GLRA1: variants seen among roughly 807,000 people sequenced by gnomAD.
GLRA1 encodes the protein glycine receptor subunit alpha-1.
A neutral mutation model predicts 48.3 loss-of-function variants in GLRA1; 37 were observed. The ratio of observed to expected loss-of-function variants is 0.77; its 90% CI spans 0.59 to 1.01. The LOEUF (loss-of-function observed/expected upper bound fraction) is 1.01. Among genes scored for constraint, GLRA1 ranks in the 50% least tolerant of loss-of-function variants. GLRA1 has a pLI of 0.00. For missense variants in GLRA1, 427 were observed against 571.0 expected (o/e 0.75, Z 2.57); for synonymous variants, 196 against 210.7 (o/e 0.93, Z 0.60).
chr5:151,900,238 C>G (rs1177411945), intron 1 of GLRA1, among the ~76,000 whole-genome samples: 1 of 152,122 alleles, frequency 6.6e-6, no homozygotes, highest in African/African-American at 2.4e-5. Context: ...CTTGCAGGGA[C>G]CAGAGAGTGA....
chr5:151,873,311 T>C (rs1371424850), intron 3 of GLRA1, among the ~76,000 whole-genome samples: 2 of 149,316 alleles, frequency 1.3e-5, no homozygotes, highest in Non-Finnish European at 2.9e-5. Context: ...TGGTTCCCTC[T>C]CCAGTTCAAC....
intron 8 of GLRA1, 46 bp downstream of exon 8, chr5:151,828,875 G>C: frequency 6.3e-7 from 1 of 1,579,996 alleles, no homozygotes; most frequent in Non-Finnish European, 8.7e-7. Flanking sequence ...GAACTCTTTT[G>C]TTTACTAACA....
chr5:151,857,998 G>A (rs900347421), intron 4 of GLRA1, among the ~76,000 whole-genome samples: 2 of 152,202 alleles, frequency 1.3e-5, no homozygotes, highest in Admixed American at 6.5e-5. Context: ...CTGGCCTTTG[G>A]ATTCTGAGTC....
At chr5:151,903,540 C>A (rs573887364) in intron 1 of GLRA1, among the ~76,000 whole-genome samples, 2 of 152,228 alleles carry the variant, frequency 1.3e-5, no homozygotes, top group African/African-American at 2.4e-5. Flanking sequence ...TCAGCAGGTT[C>A]CAAAGTCTTG....
intron 1 of GLRA1, among the ~76,000 whole-genome samples, chr5:151,908,036 A>T (rs1478755391): frequency 6.6e-6 from 1 of 152,154 alleles, no homozygotes; most frequent in Non-Finnish European, 1.5e-5. Flanking sequence ...GAAAAGGAGG[A>T]AGAGGTGAGG....
At chr5:151,860,981 G>GA (rs1753188500) in intron 3 of GLRA1, among the ~76,000 whole-genome samples, 1 of 152,102 alleles carries the variant, frequency 6.6e-6, no homozygotes, top group African/African-American at 2.4e-5. Flanking sequence ...GCGGTGTTTG[G>GA]TTTTTTGTCC....
At position 151,878,329 on chromosome 5, in the gene GLRA1, T is replaced by A. The variant is rs528453376; in HGVS notation, c.252+8392A>T. On this transcript the variant is annotated intron_variant, in intron 3 of 8. Coordinates refer to ENST00000274576, the MANE Select transcript of GLRA1 (RefSeq NM_000171.4). ...GCAGCAAAGCATTCAAGAAGTTATG[T>A]GGTTGCTGTTAAAGGCACTCGGTTT... Among the ~76,000 whole-genome samples the A allele has an allele frequency of 5.9e-5, 9 of 152,320 alleles. No individual in the cohort carries two copies. The South Asian group carries it at 1.4e-3, about 25-fold the overall frequency.
chr5:151,838,949 T>A (rs1172268349), intron 7 of GLRA1, among the ~76,000 whole-genome samples: 2 of 152,204 alleles, frequency 1.3e-5, no homozygotes, highest in South Asian at 4.1e-4. Context: ...TCTCTGCTAC[T>A]GCAACCTCCA....
chr5:151,913,004 G>A lies in GLRA1; in HGVS notation c.56+11490C>T, dbSNP rs138411874. ...CAAGAGGATTTAGGAAGAAGAGTCC[G>A]TGCCCAGCTGGGGCTAGGTATAGAG... is the stretch of plus-strand genomic sequence containing the variant. On this transcript the variant is annotated intron_variant, in intron 1 of 8. Transcript: ENST00000274576. Among the ~76,000 whole-genome samples the A allele has an allele frequency of 8.1e-3, 1,228 of 152,286 alleles. 19 individuals are homozygous for A. Among genetic ancestry groups the A allele is most frequent in the African/African-American group, 0.028 (1,151 of 41,558 alleles).
chr5:151,865,179 C>G (rs1005250781), intron 3 of GLRA1, among the ~76,000 whole-genome samples: 7 of 152,106 alleles, frequency 4.6e-5, no homozygotes, highest in Non-Finnish European at 7.3e-5. Context: ...CCACTGAGAA[C>G]AAGAAAGATA....
At chr5:151,850,339 G>T in intron 7 of GLRA1, 2 of 1,494,794 alleles carry the variant, frequency 1.3e-6, no homozygotes, top group Non-Finnish European at 9.3e-7. Flanking sequence ...TGGGTGGGCT[G>T]TTTCATTTTG....
chr5:151,833,546 C>A (rs545302767), intron 7 of GLRA1, among the ~76,000 whole-genome samples: 2 of 152,130 alleles, frequency 1.3e-5, no homozygotes, highest in African/African-American at 4.8e-5. Flanking sequence ...TCGCCAAATC[C>A]TCCGCCTCCT....
At chr5:151,917,230 G>A (rs973064977) in intron 1 of GLRA1, among the ~76,000 whole-genome samples, 1 of 152,118 alleles carries the variant, frequency 6.6e-6, no homozygotes, top group African/African-American at 2.4e-5. Flanking sequence ...GGTGCGCTTT[G>A]GAAATGCAGA....
At position 151,822,950 on chromosome 5, in the gene GLRA1, C is replaced by A. The variant is rs1763179165; in HGVS notation, c.1073G>T (p.Gly358Val). 1.2e-6 allele frequency: 2 copies of A among 1,606,620 alleles called. No individual in the cohort carries two copies. Among genetic ancestry groups the A allele is most frequent in the Non-Finnish European group, 1.7e-6 (2 of 1,175,168 alleles). ...GGCAGAGAAGTTAAAGCGGCCTTCT[C>A]CAGCTTCATCCTCCTGGAATAGATT... ...KRRHHKEDEAGEGRFNFSAYG... is the reference protein window; with the variant it reads ...KRRHHKEDEAVEGRFNFSAYG... Residue 358 changes from glycine (G) to valine (V), a missense_variant, in exon 9 of 9, where the codon GGA (glycine) becomes GTA (valine). Physicochemically the swap from Gly to Val is moderately radical, Grantham distance 109 (BLOSUM62 -3). This residue lies in a region of GLRA1 where 31 missense variants were observed against 21.9 expected (regional missense o/e 1.41). Coordinates refer to ENST00000274576, the MANE Select transcript of GLRA1 (RefSeq NM_000171.4).
chr5:151,920,427 A>T lies in GLRA1; in HGVS notation c.56+4067T>A, dbSNP rs145425234. Reference sequence around the variant, plus strand: ...TGGCCGTAACCTCTTTCATAAGACAATCTAAAGAAAACAATTTCCTAAATA... The same window carrying T: ...TGGCCGTAACCTCTTTCATAAGACATTCTAAAGAAAACAATTTCCTAAATA... On this transcript the variant is annotated intron_variant, in intron 1 of 8. Transcript: ENST00000274576. 1.1e-3 allele frequency among the ~76,000 whole-genome samples: 168 copies of T among 152,314 alleles called. 2 individuals carry two copies. In the East Asian group the frequency reaches 0.028, roughly 26 times the overall value.
chr5:151,846,348 G>A (rs1752672058), intron 7 of GLRA1, among the ~76,000 whole-genome samples: 1 of 152,176 alleles, frequency 6.6e-6, no homozygotes, highest in Non-Finnish European at 1.5e-5. Context: ...GAAGAATGTG[G>A]CATCAACTAT....
intron 1 of GLRA1, among the ~76,000 whole-genome samples, chr5:151,897,832 T>C (rs535203606): frequency 6.6e-6 from 1 of 152,204 alleles, no homozygotes; most frequent in Non-Finnish European, 1.5e-5. Flanking sequence ...GTTTGTGTGA[T>C]GTGAGTAGGT....
intron 1 of GLRA1, among the ~76,000 whole-genome samples, chr5:151,896,609 T>C (rs1465840493): frequency 2.0e-5 from 3 of 152,210 alleles, no homozygotes; most frequent in Non-Finnish European, 4.4e-5. Flanking sequence ...TGATTCACTA[T>C]GCATATTTTG....
At chr5:151,896,976 G>A (rs1282998934) in intron 1 of GLRA1, among the ~76,000 whole-genome samples, 3 of 152,106 alleles carry the variant, frequency 2.0e-5, no homozygotes, top group Non-Finnish European at 2.9e-5. Context: ...GGCGTTAGAG[G>A]CATATTAACA....
Sources: allele counts gnomAD v4.1 joint callset (sites outside exome capture counted in the v4.1 genomes callset), GRCh38; gene constraint gnomAD v4.1.1; regional missense constraint gnomAD v4.1.1; transcripts MANE v1.5; gene names NCBI Gene and HGNC (gene_info 2026-07-23, HGNC 2026-07-21).